BCAS4: variants seen among roughly 807,000 people sequenced by gnomAD.
The protein encoded by BCAS4 is breast carcinoma-amplified sequence 4.
In BCAS4, 9 loss-of-function variants were observed where a neutral mutation model predicts 15.7. The ratio of observed to expected loss-of-function variants is 0.57; its 90% confidence interval spans 0.34 to 1.00. BCAS4 has a LOEUF of 1.00. Among genes scored for constraint, BCAS4 ranks in the 50% least tolerant of loss-of-function variants. The pLI is 0.02. For missense variants in BCAS4, 225 were observed against 239.1 expected, an observed-to-expected ratio of 0.94 and a Z score of 0.39; for synonymous variants, 101 against 99.5, an observed-to-expected ratio of 1.02 and a Z score of -0.09.
At chr20:50,807,843 A>G (rs868597792) in intron 1 of BCAS4, among the ~76,000 whole-genome samples, 1 of 146,734 alleles carries the variant, frequency 6.8e-6, no homozygotes, top group Middle Eastern at 3.6e-3. Flanking sequence ...CCATTATTTC[A>G]TTTCTTTTTA....
chr20:50,845,545 G>A (rs1600881625), intron 4 of BCAS4, among the ~76,000 whole-genome samples: 1 of 152,130 alleles, frequency 6.6e-6, no homozygotes, highest in Admixed American at 6.5e-5. Flanking sequence ...GGTCTGAGAG[G>A]CCCAGGCAGC....
chr20:50,863,031 A>G (rs1026375054), intron 4 of BCAS4, among the ~76,000 whole-genome samples: 2 of 152,064 alleles, frequency 1.3e-5, no homozygotes, highest in African/African-American at 4.8e-5. Flanking sequence ...GAGTTTTACC[A>G]TGTTGGCCAG....
At chr20:50,871,856 G>A (rs1478396312) in intron 4 of BCAS4, among the ~76,000 whole-genome samples, 1 of 152,176 alleles carries the variant, frequency 6.6e-6, no homozygotes, top group Non-Finnish European at 1.5e-5. Flanking sequence ...TCTGTGGGTG[G>A]AGGGTGAGCT....
rs1017055127 is a variant in BCAS4, at chr20:50,804,922, A to C, written c.90+9749A>C. Among the ~76,000 whole-genome samples, 4 of 152,316 alleles carry C rather than the reference A, an allele frequency of 2.6e-5. No individual in the cohort carries two copies. The South Asian group carries it at 6.2e-4, about 24-fold the overall frequency. The stretch of plus-strand genomic sequence containing the variant: ...GCAGTTCAAACCTAACGCTACTCAG[A>C]GAATCACCTCATTTGCTCCCTGGCT... On this transcript the variant is annotated intron_variant, in intron 1 of 4. Transcript: ENST00000371608.
At chr20:50,795,520 G>T (rs757394402) in intron 1 of BCAS4, among the ~76,000 whole-genome samples, 32 of 152,172 alleles carry the variant, frequency 2.1e-4, no homozygotes, top group Non-Finnish European at 3.2e-4. Flanking sequence ...AGCGGTGCCC[G>T]GGCCGAGCGG....
At chr20:50,881,286 G>A (rs1363077245), downstream of BCAS4, 1 of 152,002 alleles carries the variant, frequency 6.6e-6, no homozygotes, top group African/African-American at 2.4e-5. Flanking sequence ...TTGGCGAAGT[G>A]TACAAAATCG....
At chr20:50,799,114 A>T (rs866622422) in intron 1 of BCAS4, among the ~76,000 whole-genome samples, 1 of 152,092 alleles carries the variant, frequency 6.6e-6, no homozygotes, top group East Asian at 1.9e-4. Flanking sequence ...TCCTGAGTGC[A>T]TTTCTTGTTC....
In BCAS4 at chr20:50,830,384, C is replaced by T. The variant is rs1424646095; in HGVS notation, c.264+4C>T. 14 of 1,607,550 alleles carry T rather than the reference C, an allele frequency of 8.7e-6. No homozygotes were observed. The highest frequency in any genetic ancestry group is 1.6e-4 in the Middle Eastern group (1 of 6,066). ...TGCCAAAGTGGACCGGCTAGAGGTACGTCTAGGCAAACGAAGGTTCTGAGG... is the reference window on the plus strand; with the variant it reads ...TGCCAAAGTGGACCGGCTAGAGGTATGTCTAGGCAAACGAAGGTTCTGAGG... On this transcript the variant is annotated splice_donor_region_variant and intron_variant, in intron 3 of 4. Transcript: ENST00000371608.
At chr20:50,830,493 G>A (rs911215064) in intron 3 of BCAS4, 113 bp downstream of exon 3, 4 of 801,980 alleles carry the variant, frequency 5.0e-6, no homozygotes, top group East Asian at 2.8e-5. Context: ...CCAATGCAGG[G>A]GGTTGGTGGT....
At chr20:50,824,666 C>T (rs2088255499) in intron 2 of BCAS4, among the ~76,000 whole-genome samples, 1 of 152,158 alleles carries the variant, frequency 6.6e-6, no homozygotes. Flanking sequence ...GAAGAAAGTG[C>T]TCCTCTGGGT....
chr20:50,824,331 C>T (rs578238572), intron 2 of BCAS4, among the ~76,000 whole-genome samples: 1 of 152,240 alleles, frequency 6.6e-6, no homozygotes, highest in Non-Finnish European at 1.5e-5. Context: ...GCCTTTGGCT[C>T]TCCTTCCTAG....
rs1600912156 is a variant in BCAS4 at position 50,876,542 on chromosome 20, G to C, written c.456G>C (p.Glu152Asp). The C allele has an allele frequency of 5.0e-6, 8 of 1,614,120 alleles. No individual in the cohort carries two copies. Among genetic ancestry groups the C allele is most frequent in the Non-Finnish European group, 6.8e-6 (8 of 1,180,028 alleles). Residue 152 changes from glutamate (E) to aspartate (D), a missense_variant, in exon 5 of 5, where the codon GAG (glutamate) becomes GAC (aspartate). Coordinates refer to ENST00000371608, the MANE Select transcript of BCAS4 (RefSeq NM_198799.4). Reference protein sequence around the residue: ...TYELPTLYRTEDYFPVDAGEA... With the variant: ...TYELPTLYRTDDYFPVDAGEA... Reference sequence around the variant, plus strand: ...AGCTGCCCACACTGTATAGGACGGAGGACTATTTTCCTGTGGACGCCGGGG... The same window carrying C: ...AGCTGCCCACACTGTATAGGACGGACGACTATTTTCCTGTGGACGCCGGGG...
In BCAS4 at chr20:50,808,196, G is replaced by A. The variant is rs568206172; in HGVS notation, c.91-10015G>A. ...CAAAGTGCTGGGATTACAGGCGTGA[G>A]CCACCGCGCCCGGCTGTGCCACATA... On this transcript the variant is annotated intron_variant, in intron 1 of 4. Coordinates refer to ENST00000371608, the MANE Select transcript of BCAS4 (RefSeq NM_198799.4). 2.0e-3 allele frequency among the ~76,000 whole-genome samples: 310 copies of A among 152,338 alleles called. 1 individual carries two copies. Among genetic ancestry groups the A allele is most frequent in the African/African-American group, 7.3e-3 (302 of 41,588 alleles).
chr20:50,823,784 G>A (rs2088245198), intron 2 of BCAS4, among the ~76,000 whole-genome samples: 2 of 152,178 alleles, frequency 1.3e-5, no homozygotes, highest in African/African-American at 4.8e-5. Flanking sequence ...TCAGGTAGTG[G>A]TTGGTTTGGG....
intron 2 of BCAS4, among the ~76,000 whole-genome samples, chr20:50,819,868 C>T (rs1172795084): frequency 2.6e-5 from 4 of 151,972 alleles, no homozygotes; most frequent in South Asian, 2.1e-4. Flanking sequence ...TCCTTCCTTT[C>T]GAGATAGAGT....
intron 4 of BCAS4, among the ~76,000 whole-genome samples, chr20:50,860,666 A>G (rs940368759): frequency 2.0e-5 from 3 of 152,158 alleles, no homozygotes; most frequent in Admixed American, 6.5e-5. Context: ...ACCTGAGGTC[A>G]GGAGTTCAAG....
At chr20:50,833,743 T>A (rs150839322) in intron 3 of BCAS4, among the ~76,000 whole-genome samples, 118 of 152,278 alleles carry the variant, frequency 7.7e-4, no homozygotes, top group African/African-American at 2.8e-3. Context: ...TCAACAAACG[T>A]TTGCTGCACT....
rs562161585 is a variant in BCAS4 at position 50,876,814 on chromosome 20, G to A, written c.*206G>A. 1.1e-5 allele frequency: 6 copies of A among 547,858 alleles called. No individual in the cohort carries two copies. Among genetic ancestry groups the A allele is most frequent in the Non-Finnish European group, 1.6e-5 (6 of 369,048 alleles). 33.9% of individuals were successfully genotyped at this position (547,858 alleles called of 1,614,324 possible). A position where few individuals can be genotyped will look rare whatever the true frequency, so the allele number is the denominator to read the frequency against. ...CCACCTTGGCCTTCCAAAGTGGTGGGATTATGGGCAGGAGCCTCCGTGCCC... is the reference window on the plus strand; with the variant it reads ...CCACCTTGGCCTTCCAAAGTGGTGGAATTATGGGCAGGAGCCTCCGTGCCC... On this transcript the variant is annotated 3_prime_UTR_variant, in exon 5 of 5. Coordinates refer to ENST00000371608, the MANE Select transcript of BCAS4 (RefSeq NM_198799.4).
At chr20:50,819,691 C>A (rs781100146) in intron 2 of BCAS4, among the ~76,000 whole-genome samples, 2 of 152,130 alleles carry the variant, frequency 1.3e-5, no homozygotes, top group Non-Finnish European at 2.9e-5. Flanking sequence ...AGATGTGGGT[C>A]CAGGTGGGAG....
Sources: gnomAD v4.1 joint callset for allele counts (sites outside exome capture counted in the v4.1 genomes callset) on GRCh38, gnomAD v4.1.1 for gene constraint, MANE v1.5 for transcripts, NCBI Gene and HGNC (gene_info 2026-07-23, HGNC 2026-07-21) for gene names.